The following MITF variants were observed in gnomAD, a reference collection of about 807,000 sequenced individuals.
The protein encoded by MITF is melanocyte inducing transcription factor.
Under a neutral mutation model 60.5 loss-of-function variants are expected in MITF, and 17 were observed. The observed-to-expected ratio is 0.28, with a 90% CI of 0.19 to 0.42. MITF has a LOEUF of 0.42. Among genes scored for constraint, MITF ranks in the 10% least tolerant of loss-of-function variants. The pLI, the probability that MITF is intolerant of heterozygous loss-of-function variation, is 1.00. For missense variants in MITF, 622 were observed against 683.5 expected (o/e 0.91, Z 1.00); for synonymous variants, 260 against 248.5 (o/e 1.05, Z -0.43).
chr3:69,867,465 AGTTT>A (rs1363484952), intron 1 of MITF, among the ~76,000 whole-genome samples: 1 of 152,164 alleles, frequency 6.6e-6, no homozygotes, highest in African/African-American at 2.4e-5. Context: ...TTTCTGCTGC[AGTTT>A]GTTTTAACAG....
intron 1 of MITF, among the ~76,000 whole-genome samples, chr3:69,793,288 T>A (rs1471329623): frequency 6.6e-6 from 1 of 152,214 alleles, no homozygotes; most frequent in Non-Finnish European, 1.5e-5. Context: ...AGTGTTGGGA[T>A]TACAGGCGTA....
At chr3:69,806,937 A>G (rs1392290449) in intron 1 of MITF, among the ~76,000 whole-genome samples, 2 of 152,218 alleles carry the variant, frequency 1.3e-5, no homozygotes, top group Non-Finnish European at 2.9e-5. Context: ...GAGTAATGCA[A>G]GGAAATTCTG....
intron 1 of MITF, among the ~76,000 whole-genome samples, chr3:69,859,113 C>G (rs2063968196): frequency 6.6e-6 from 1 of 152,106 alleles, no homozygotes; most frequent in African/African-American, 2.4e-5. Flanking sequence ...GTGTGTGTGT[C>G]TGCATTGAAT....
chr3:69,875,234 G>T (rs1559690245), intron 1 of MITF, among the ~76,000 whole-genome samples: 1 of 152,178 alleles, frequency 6.6e-6, no homozygotes, highest in African/African-American at 2.4e-5. Flanking sequence ...GGAGTTGTGT[G>T]CCTGGCTTCA....
intron 1 of MITF, among the ~76,000 whole-genome samples, chr3:69,795,161 G>T (rs2062807893): frequency 6.6e-6 from 1 of 152,040 alleles, no homozygotes; most frequent in Non-Finnish European, 1.5e-5. Context: ...TTTATTCTTA[G>T]TTATTTAAAT....
chr3:69,813,465 TAG>T (rs2063132483), intron 1 of MITF, among the ~76,000 whole-genome samples: 2 of 152,200 alleles, frequency 1.3e-5, no homozygotes. Context: ...GGATTTTTGG[TAG>T]AGTTTACTGC....
chr3:69,959,340 G>C lies in MITF; in HGVS notation c.1099G>C (p.Glu367Gln), dbSNP rs1296775950. ...SVDYIRKLQR[E>Q]QQRAKELENR... ...GGACTATATCCGAAAGTTGCAACGA[G>C]AACAGCAACGCGCAAAAGAACTTGA... The change falls in exon 9 of 10, where the codon GAA (glutamate) becomes CAA (glutamine). Residue 367 changes from glutamate (E) to glutamine (Q), a missense_variant. This residue lies in a region of MITF where 224 missense variants were observed against 209.5 expected (regional missense o/e 1.07). Transcript: ENST00000352241. 1 of 1,614,020 alleles carries C rather than the reference G, an allele frequency of 6.2e-7. No homozygotes were observed. The highest frequency in any genetic ancestry group is 8.5e-7 in the Non-Finnish European group (1 of 1,179,988).
chr3:69,912,914 C>A (rs2065255386), intron 2 of MITF, among the ~76,000 whole-genome samples: 2 of 152,020 alleles, frequency 1.3e-5, no homozygotes, highest in Admixed American at 1.3e-4. Flanking sequence ...GCATTACTTA[C>A]CATAGTGAAA....
At chr3:69,823,711 A>G (rs1418904397) in intron 1 of MITF, among the ~76,000 whole-genome samples, 4 of 152,198 alleles carry the variant, frequency 2.6e-5, no homozygotes, top group Non-Finnish European at 5.9e-5. Flanking sequence ...GACATTCTCT[A>G]AAACTTTTGT....
At chr3:69,873,940 A>C (rs1461861828) in intron 1 of MITF, among the ~76,000 whole-genome samples, 2 of 152,180 alleles carry the variant, frequency 1.3e-5, no homozygotes, top group Non-Finnish European at 2.9e-5. Flanking sequence ...TTTGAGATGA[A>C]GTTCTCAGCG....
intron 2 of MITF, among the ~76,000 whole-genome samples, chr3:69,894,372 G>T (rs2064826466): frequency 6.6e-6 from 1 of 152,124 alleles, no homozygotes; most frequent in South Asian, 2.1e-4. Flanking sequence ...TACATGATAT[G>T]TCCATTTAAT....
chr3:69,959,312 C>G lies in MITF; in HGVS notation c.1071C>G (p.Ser357=). The change falls in exon 9 of 10, where the codon TCC becomes TCG. Residue 357 remains serine (S), a synonymous_variant. Coordinates refer to ENST00000352241, the MANE Select transcript of MITF (RefSeq NM_001354604.2). The part of the protein sequence containing the change: ...RWNKGTILKA[S]VDYIRKLQRE... ...ACAAGGGAACCATCTTAAAAGCATC[C>G]GTGGACTATATCCGAAAGTTGCAAC... is the stretch of plus-strand genomic sequence containing the variant. The G allele has an allele frequency of 6.2e-7, 1 of 1,613,998 alleles. No homozygotes were observed. Among genetic ancestry groups the G allele is most frequent in the Non-Finnish European group, 8.5e-7 (1 of 1,179,986 alleles).
chr3:69,910,652 C>A (rs374395520), intron 2 of MITF, among the ~76,000 whole-genome samples: 33 of 152,304 alleles, frequency 2.2e-4, no homozygotes, highest in African/African-American at 7.9e-4. Flanking sequence ...CAAAGGAAAT[C>A]ATTTTGGAGC....
chr3:69,802,453 A>G (rs1439298957), intron 1 of MITF, among the ~76,000 whole-genome samples: 1 of 152,076 alleles, frequency 6.6e-6, no homozygotes, highest in Non-Finnish European at 1.5e-5. Flanking sequence ...AAATAAAGTT[A>G]GTTTTTGGCA....
intron 2 of MITF, among the ~76,000 whole-genome samples, chr3:69,914,775 G>A (rs1260730796): frequency 6.6e-6 from 1 of 152,160 alleles, no homozygotes; most frequent in East Asian, 1.9e-4. Context: ...GAGGAATCCT[G>A]AGCCTGACTT....
At position 69,965,025 on chromosome 3, in the gene MITF, G is replaced by A. The variant is rs2107552501; in HGVS notation, c.1358G>A (p.Gly453Asp). The change falls in exon 10 of 10, where the codon GGC becomes GAC. Residue 453 changes from glycine (G) to aspartate (D), a missense_variant. Gly to Asp is a moderately conservative substitution (Grantham distance 94). This residue lies in a region of MITF where 224 missense variants were observed against 209.5 expected (regional missense o/e 1.07). Coordinates refer to ENST00000352241, the MANE Select transcript of MITF (RefSeq NM_001354604.2). ...TCTTTLDLTD[G>D]TITFNNNLGT... ...ACAACAACTCTCGATCTCACGGATG[G>A]CACCATCACCTTCAACAACAACCTC... The A allele has an allele frequency of 1.2e-6, 2 of 1,614,080 alleles. No homozygotes were observed. Among genetic ancestry groups the A allele is most frequent in the Non-Finnish European group, 8.5e-7 (1 of 1,180,004 alleles).
intron 2 of MITF, among the ~76,000 whole-genome samples, chr3:69,913,349 G>C (rs1201291987): frequency 6.6e-6 from 1 of 152,080 alleles, no homozygotes; most frequent in Non-Finnish European, 1.5e-5. Flanking sequence ...TAGTATTACT[G>C]ATGTCTGAAT....
At position 69,848,281 on chromosome 3, in the gene MITF, T is replaced by G. The variant is rs182117128; in HGVS notation, c.105-30853T>G. Among the ~76,000 whole-genome samples the G allele has an allele frequency of 5.4e-3, 827 of 152,358 alleles. 4 individuals carry two copies. The highest frequency in any genetic ancestry group is 0.01 in the Middle Eastern group (3 of 294). ...GATAAGCAGATATCCTGGCCAGCGT[T>G]CTGGGGAAGATGAAAATGCTTGTGT... On this transcript the variant is annotated intron_variant, in intron 1 of 9. Transcript: ENST00000352241.
chr3:69,877,856 A>G (rs2064390281), intron 1 of MITF, among the ~76,000 whole-genome samples: 1 of 152,194 alleles, frequency 6.6e-6, no homozygotes, highest in Admixed American at 6.5e-5. Flanking sequence ...AGGAAGTTCA[A>G]AGTACAAATA....
Sources: allele counts gnomAD v4.1 joint callset (sites outside exome capture counted in the v4.1 genomes callset), GRCh38; gene constraint gnomAD v4.1.1; regional missense constraint gnomAD v4.1.1; transcripts MANE v1.5; gene names NCBI Gene and HGNC (gene_info 2026-07-23, HGNC 2026-07-21).